NBPF26: variants seen among roughly 807,000 people sequenced by gnomAD.
NBPF26 encodes NBPF family member NBPF26.
In NBPF26, 79 loss-of-function variants were observed where a neutral mutation model predicts 119.6. That is an observed-to-expected ratio of 0.66 (90% confidence interval 0.55 to 0.80). The LOEUF (loss-of-function observed/expected upper bound fraction) is 0.80, where lower values mean the gene tolerates loss of function less well. Among genes scored for constraint, NBPF26 ranks in the 30% least tolerant of loss-of-function variants. The pLI, the probability that NBPF26 is intolerant of heterozygous loss-of-function variation, is 0.00. For missense variants in NBPF26, 800 were observed against 1,198.2 expected, an observed-to-expected ratio of 0.67 and a Z score of 4.91; for synonymous variants, 299 against 457.7, an observed-to-expected ratio of 0.65 and a Z score of 4.43.
intron 4 of NBPF26, among the ~76,000 whole-genome samples, chr1:120,801,297 T>C (rs1300146645): frequency 1.7e-5 from 2 of 119,944 alleles, no homozygotes; most frequent in Non-Finnish European, 3.3e-5. Flanking sequence ...AGTGGGGAAT[T>C]GGAGAGTGAC....
chr1:120,810,490 A>C, exon 9 of NBPF26: 1 of 1,562,406 alleles, frequency 6.4e-7, no homozygotes, highest in Admixed American at 1.8e-5. Context: ...GACGAAGTCA[A>C]CTCAACTCTG....
exon 1 of NBPF26, chr1:120,724,201 G>C: frequency 7.1e-7 from 1 of 1,404,834 alleles, no homozygotes; most frequent in Non-Finnish European, 9.3e-7. Flanking sequence ...GTCCCGCTCT[G>C]CTGTGGGCGC....
In NBPF26 at chr1:120,760,036, C is replaced by T. The variant is rs1472276098; in HGVS notation, c.74-3592C>T. ...ATGATTTTGATGGTTTTCAATTCTA[C>T]GTATAAGTGAGAACATGCTGTATTT... On this transcript the variant is annotated intron_variant, in intron 1 of 29. Coordinates refer to ENST00000620612, the Ensembl canonical transcript of NBPF26. Among the ~76,000 whole-genome samples the T allele has an allele frequency of 1.1e-4, 11 of 101,994 alleles. 2 individuals carry two copies. The highest frequency in any genetic ancestry group is 1.9e-4 in the Admixed American group (2 of 10,630). 66.9% of individuals were successfully genotyped at this position (101,994 alleles called of 152,430 possible).
chr1:120,724,181 C>A, exon 1 of NBPF26: 2 of 1,392,246 alleles, frequency 1.4e-6, no homozygotes, highest in East Asian at 2.5e-5. Flanking sequence ...CGAGAAGATG[C>A]CCGCCCTGCG....
Position 120,785,202 on chromosome 1 carries a change from C to T in NBPF26, c.384C>T (p.Thr128=). ...CATGCCATATGCTCAGCCGGGATAC[C>T]TATGAGTGCACCTGTCAAGTCGGGT... The change falls in exon 3 of 30, where the codon ACC becomes ACT. Residue 128 remains threonine, a synonymous_variant. Transcript: ENST00000620612. 4 of 1,445,520 alleles carry T rather than the reference C, an allele frequency of 2.8e-6. 1 individual carries two copies. Among genetic ancestry groups the T allele is most frequent in the East Asian group, 4.7e-5 (2 of 42,890 alleles). The allele number at this position is 1,445,520 out of a possible 1,614,324, so 89.5% of individuals were successfully genotyped here. A position where few individuals can be genotyped will look rare whatever the true frequency, so the allele number is the denominator to read the frequency against.
rs1328639768 is a variant in NBPF26, at chr1:120,764,972, GT to G, written c.155+1269del. Among the ~76,000 whole-genome samples, 62 of 82,604 alleles carry G rather than the reference GT, an allele frequency of 7.5e-4. 12 individuals are homozygous for G. The highest frequency in any genetic ancestry group is 4.2e-3 in the African/African-American group (53 of 12,606). 54.2% of individuals were successfully genotyped at this position (82,604 alleles called of 152,430 possible). ...AGATCTGTTCTGACACCAGGATTTA[GT>G]TTTTTAATGTTATAAACAAGATTTT... On this transcript the variant is annotated intron_variant, in intron 2 of 29. Transcript: ENST00000620612.
chr1:120,833,141 C>T (rs1350269826), intron 23 of NBPF26, among the ~76,000 whole-genome samples, 158 bp downstream of exon 27: 3 of 117,040 alleles, frequency 2.6e-5, no homozygotes, highest in East Asian at 4.2e-4. Flanking sequence ...GTTTAGGTTT[C>T]CATTTCTTCC....
chr1:120,769,410 ACTTTCT>A (rs1461629641), intron 2 of NBPF26, among the ~76,000 whole-genome samples: 4 of 136,604 alleles, frequency 2.9e-5, no homozygotes, highest in African/African-American at 1.2e-4. Flanking sequence ...CTGTTAAATT[ACTTTCT>A]CTTTCTTCTC....
intron 1 of NBPF26, among the ~76,000 whole-genome samples, chr1:120,755,933 CTTTT>C (rs1168463033): frequency 1.1e-5 from 1 of 87,262 alleles, no homozygotes; most frequent in African/African-American, 7.7e-5. Context: ...TCTCTTATTG[CTTTT>C]TTTTTTTTTT....
rs1257872462 is a variant in NBPF26, at chr1:120,812,186, G to A, written c.1774+91G>A. The A allele has an allele frequency of 8.9e-6, 8 of 899,258 alleles. No homozygotes were observed. In the African/African-American group the frequency reaches 1.3e-4, roughly 15 times the overall value. The allele number at this position is 899,258 out of a possible 1,614,324, so 55.7% of individuals were successfully genotyped here. ...AAATGCTCTCTCCATCAAAAATAAT[G>A]TCATCCTCCCCGTACTTCTAGGAAA... On this transcript the variant is annotated intron_variant, in intron 10 of 29. Coordinates refer to ENST00000620612, the Ensembl canonical transcript of NBPF26.
intron 3 of NBPF26, among the ~76,000 whole-genome samples, chr1:120,789,876 A>G (rs1165586365): frequency 1.7e-5 from 1 of 57,158 alleles, no homozygotes; most frequent in Non-Finnish European, 2.9e-5. Flanking sequence ...AAATATTTCA[A>G]TTCTGGCTAG....
At chr1:120,810,247 C>A in intron 8 of NBPF26, 100 bp from the exon 9 acceptor site, 1 of 1,393,404 alleles carries the variant, frequency 7.2e-7, no homozygotes, top group Non-Finnish European at 9.8e-7. Flanking sequence ...TTTCTGGAAC[C>A]ACTCTCTTAA....
rs1651519122 is a variant in NBPF26, at chr1:120,793,529, G to T, written c.751+33G>T. The T allele has an allele frequency of 4.4e-6, 5 of 1,124,960 alleles. 1 individual carries two copies. The Admixed American group carries it at 1.1e-4, about 24-fold the overall frequency. The allele number at this position is 1,124,960 out of a possible 1,614,324, so 69.7% of individuals were successfully genotyped here. On this transcript the variant is annotated intron_variant, in intron 4 of 29. Coordinates refer to ENST00000620612, the Ensembl canonical transcript of NBPF26. Reference sequence around the variant, plus strand: ...GCTCCCTAGTGTCCCAGGATTAGGGGACAAACCCCTAGCACAGGAGGTAGT... The same window carrying T: ...GCTCCCTAGTGTCCCAGGATTAGGGTACAAACCCCTAGCACAGGAGGTAGT...
rs1651174559 is a variant in NBPF26, at chr1:120,764,996, T to C, written c.155+1287T>C. Among the ~76,000 whole-genome samples the C allele has an allele frequency of 2.4e-5, 2 of 83,826 alleles. 1 individual carries two copies. The highest frequency in any genetic ancestry group is 4.4e-5 in the Non-Finnish European group (2 of 45,680). 55.0% of individuals were successfully genotyped at this position (83,826 alleles called of 152,430 possible). A position where few individuals can be genotyped will look rare whatever the true frequency, so the allele number is the denominator to read the frequency against. ...AGTTTTTTAATGTTATAAACAAGAT[T>C]TTTTTTTTCAAGTCAGAAATAATTT... On this transcript the variant is annotated intron_variant, in intron 2 of 29. Transcript: ENST00000620612.
rs1408629223 is a variant in NBPF26 at position 120,823,790 on chromosome 1, G to C, written c.2640-184G>C. ...TGTGTGTGTGTGTGTGTGTGTGTGT[G>C]TCTTTCATCTTTTTCTACCTGGCCC... On this transcript the variant is annotated intron_variant, in intron 17 of 29. Coordinates refer to ENST00000620612, the Ensembl canonical transcript of NBPF26. Among the ~76,000 whole-genome samples the C allele has an allele frequency of 5.5e-5, 6 of 109,786 alleles. 3 individuals carry two copies. The highest frequency in any genetic ancestry group is 1.0e-4 in the Non-Finnish European group (6 of 57,234). 72.0% of individuals were successfully genotyped at this position (109,786 alleles called of 152,430 possible).
At chr1:120,752,575 C>A (rs1321341697) in intron 1 of NBPF26, among the ~76,000 whole-genome samples, 1 of 15,180 alleles carries the variant, frequency 6.6e-5, no homozygotes, top group Non-Finnish European at 9.4e-5. Flanking sequence ...TTTTTTTTTT[C>A]TTTTTTTTTT....
chr1:120,805,946 CT>C (rs2101490713), intron 5 of NBPF26, among the ~76,000 whole-genome samples, 181 bp downstream of exon 5: 2 of 111,300 alleles, frequency 1.8e-5, no homozygotes, highest in South Asian at 5.4e-4. Context: ...TATTTAGCAA[CT>C]TTCCATGTTT....
chr1:120,794,242 C>T (rs1204757143), intron 4 of NBPF26, among the ~76,000 whole-genome samples: 3 of 113,516 alleles, frequency 2.6e-5, no homozygotes, highest in South Asian at 5.2e-4. Context: ...GGAGCAGTGT[C>T]GGGGAGCTTG....
intron 13 of NBPF26, among the ~76,000 whole-genome samples, chr1:120,816,359 A>C (rs1185815391): frequency 8.9e-6 from 1 of 111,940 alleles, no homozygotes; most frequent in East Asian, 2.1e-4. Flanking sequence ...TGCACCGTAC[A>C]GGGATAGCTG....
Sources: gnomAD v4.1 joint callset for allele counts (sites outside exome capture counted in the v4.1 genomes callset) on GRCh38, gnomAD v4.1.1 for gene constraint, MANE v1.5 for transcripts, NCBI Gene and HGNC (gene_info 2026-07-23, HGNC 2026-07-21) for gene names.